Variants in TGM6 observed in about 807,000 individuals in gnomAD.
TGM6 encodes protein-glutamine gamma-glutamyltransferase 6.
Under a neutral mutation model 77.5 loss-of-function variants are expected in TGM6, and 74 were observed. The observed-to-expected ratio is 0.96, with a 90% CI of 0.79 to 1.16. TGM6 has a LOEUF of 1.16. Ranked by LOEUF, TGM6 falls within the 50% of genes most tolerant of loss-of-function variation. The probability of loss-of-function intolerance (pLI) is 0.00; values close to 1 mark genes in which losing one functional copy is unlikely to be tolerated. For synonymous variants in TGM6, 383 were observed against 378.9 expected (o/e 1.01, Z -0.12); for missense variants, 968 against 940.2 (o/e 1.03, Z -0.39).
chr20:2,427,076 AT>A (rs11482900), intron 10 of TGM6, among the ~76,000 whole-genome samples: 3 of 151,504 alleles, frequency 2.0e-5, no homozygotes, highest in Non-Finnish European at 4.4e-5. Context: ...AATTGCTATA[AT>A]TTTTTTTTCT....
chr20:2,395,263 G>C lies in TGM6; in HGVS notation c.251G>C (p.Gly84Ala). ...FQTSELERGE[G>A]WTAAREAQME... ...ACATCGGAGCTGGAGCGGGGTGAGG[G>C]CTGGACAGCAGCAAGGGAGGCTCAG... The change falls in exon 3 of 13, where the codon GGC becomes GCC. Residue 84 changes from glycine (G) to alanine (A), a missense_variant. By Grantham distance (60) the Gly-to-Ala change is moderately conservative. Coordinates refer to ENST00000202625, the MANE Select transcript of TGM6 (RefSeq NM_198994.3). 6.2e-7 allele frequency: 1 copy of C among 1,614,140 alleles called. No homozygotes were observed. Among genetic ancestry groups the C allele is most frequent in the Non-Finnish European group, 8.5e-7 (1 of 1,180,020 alleles).
At chr20:2,388,875 T>A (rs2084613317) in intron 1 of TGM6, among the ~76,000 whole-genome samples, 1 of 152,242 alleles carries the variant, frequency 6.6e-6, no homozygotes, top group East Asian at 1.9e-4. Flanking sequence ...GCATGACAAG[T>A]GTCCTTTGGT....
rs748778105 is a variant in TGM6, at chr20:2,396,635, G to A, written c.543+11G>A. The A allele has an allele frequency of 3.1e-6, 5 of 1,613,412 alleles. No individual in the cohort carries two copies. The highest frequency in any genetic ancestry group is 1.1e-5 in the South Asian group (1 of 91,066). ...TGGAACTACGGGCAGGTCTCCAGGG[G>A]CACAGGCCAGACAAGGATGTGGGCT... On this transcript the variant is annotated intron_variant, in intron 4 of 12. Transcript: ENST00000202625.
intron 9 of TGM6, among the ~76,000 whole-genome samples, chr20:2,406,206 TTCTGAGCTGCCACCTC>T (rs2084749240): frequency 6.6e-6 from 1 of 152,172 alleles, no homozygotes; most frequent in Non-Finnish European, 1.5e-5. Context: ...GTAAGGCCTC[TTCTGAGCTGCCACCTC>T]TCTGATAAGA....
At chr20:2,414,563 A>G (rs1259782850) in intron 9 of TGM6, among the ~76,000 whole-genome samples, 2 of 152,228 alleles carry the variant, frequency 1.3e-5, no homozygotes, top group African/African-American at 4.8e-5. Flanking sequence ...TCCCAGCTAC[A>G]TTTCCAAGAG....
chr20:2,414,256 G>A (rs1223908073), intron 9 of TGM6, among the ~76,000 whole-genome samples: 3 of 152,134 alleles, frequency 2.0e-5, no homozygotes, highest in African/African-American at 7.2e-5. Flanking sequence ...GGCAAAGGAT[G>A]TGAATGAACA....
intron 1 of TGM6, among the ~76,000 whole-genome samples, chr20:2,392,071 A>G (rs760756592): frequency 3.9e-5 from 6 of 152,194 alleles, no homozygotes; most frequent in Non-Finnish European, 8.8e-5. Flanking sequence ...GGGACTCCCA[A>G]TGCCTCTCCC....
intron 4 of TGM6, among the ~76,000 whole-genome samples, chr20:2,397,066 T>C (rs2084674227): frequency 6.6e-6 from 1 of 152,060 alleles, no homozygotes; most frequent in Non-Finnish European, 1.5e-5. Flanking sequence ...CTGGCTTAGA[T>C]AAGTAGTTCC....
At chr20:2,386,055 G>A (rs961619895) in intron 1 of TGM6, among the ~76,000 whole-genome samples, 2 of 152,144 alleles carry the variant, frequency 1.3e-5, no homozygotes, top group East Asian at 3.9e-4. Context: ...ATTTTGACAA[G>A]GGGCCTGGAA....
chr20:2,416,278 C>T (rs915785949), intron 9 of TGM6, among the ~76,000 whole-genome samples: 1 of 152,002 alleles, frequency 6.6e-6, no homozygotes, highest in African/African-American at 2.4e-5. Flanking sequence ...ATACAGAAAC[C>T]CCGACAGTGT....
rs537361932 is a variant in TGM6, at chr20:2,420,779, G to A, written c.1678+3206G>A. On this transcript the variant is annotated intron_variant, in intron 10 of 12. Transcript: ENST00000202625. ...TTTTCAGATTGGCTTCTTTCACTTA[G>A]CAATATGTATTTAAGGATCCCTTAC... Among the ~76,000 whole-genome samples, 147 of 152,192 alleles carry A rather than the reference G, an allele frequency of 9.7e-4. 1 individual carries two copies. The highest frequency in any genetic ancestry group is 3.4e-3 in the African/African-American group (140 of 41,534).
At chr20:2,415,100 C>T (rs2084807019) in intron 9 of TGM6, among the ~76,000 whole-genome samples, 2 of 152,080 alleles carry the variant, frequency 1.3e-5, no homozygotes, top group Admixed American at 6.6e-5. Context: ...TCAGAGAAGG[C>T]CTCCATGAGA....
chr20:2,387,479 T>A (rs1373666530), intron 1 of TGM6, among the ~76,000 whole-genome samples: 2 of 152,188 alleles, frequency 1.3e-5, no homozygotes, highest in Admixed American at 1.3e-4. Context: ...GACACATGTG[T>A]CAGCTATGTG....
chr20:2,394,456 C>G lies in TGM6; in HGVS notation c.12C>G (p.Ile4Met), dbSNP rs139796716. MAG[I>M]RVTKVDWQRS... ...CCCTGTCCTCTCCCCACCCAGGGAT[C>G]AGAGTCACCAAGGTGGACTGGCAGC... Residue 4 changes from isoleucine (I) to methionine (M), a missense_variant, in exon 2 of 13, where the codon ATC (isoleucine) becomes ATG (methionine). Ile to Met is a conservative substitution (Grantham distance 10). Coordinates refer to ENST00000202625, the MANE Select transcript of TGM6 (RefSeq NM_198994.3). 8.2e-4 allele frequency: 1,322 copies of G among 1,611,474 alleles called. 9 individuals carry two copies. The African/African-American group carries it at 0.015, about 19-fold the overall frequency.
chr20:2,399,420 G>T (rs566796919), intron 5 of TGM6, 141 bp from the exon 6 acceptor site: 1 of 1,050,982 alleles, frequency 9.5e-7, no homozygotes, highest in Non-Finnish European at 1.5e-6. Context: ...GGCAACAGAT[G>T]CCCCTAATTT....
chr20:2,384,900 G>A (rs1324917400), intron 1 of TGM6, among the ~76,000 whole-genome samples: 1 of 151,972 alleles, frequency 6.6e-6, no homozygotes, highest in Admixed American at 6.6e-5. Context: ...TTTAGCCTTG[G>A]GCTGGGAGCT....
At chr20:2,387,388 C>CCACATGGGGT (rs1049159821) in intron 1 of TGM6, among the ~76,000 whole-genome samples, 1 of 152,158 alleles carries the variant, frequency 6.6e-6, no homozygotes, top group Non-Finnish European at 1.5e-5. Flanking sequence ...CCAGCTCGTG[C>CCACATGGGGT]CACATGGGGT....
chr20:2,403,433 G>A lies in TGM6; in HGVS notation c.1026G>A (p.Arg342=). The A allele has an allele frequency of 6.2e-7, 1 of 1,614,148 alleles. No homozygotes were observed. Among genetic ancestry groups the A allele is most frequent in the Non-Finnish European group, 8.5e-7 (1 of 1,180,032 alleles). Residue 342 remains arginine (R), a synonymous_variant, in exon 8 of 13, where the codon CGG becomes CGA. Coordinates refer to ENST00000202625, the MANE Select transcript of TGM6 (RefSeq NM_198994.3). ...TCTGGAATGAGAGCTGGTTTGCCCG[G>A]CAGGACCTAGGCCCCTCTTACAATG... is the stretch of plus-strand genomic sequence containing the variant. ...FHVWNESWFA[R]QDLGPSYNGW...
intron 9 of TGM6, among the ~76,000 whole-genome samples, chr20:2,413,436 C>A (rs528325274): frequency 2.0e-4 from 30 of 152,022 alleles, no homozygotes; most frequent in Non-Finnish European, 2.2e-4. Context: ...ACAAAAATTA[C>A]AACAGATATA....
Sources: gnomAD v4.1 joint callset for allele counts (sites outside exome capture counted in the v4.1 genomes callset) on GRCh38, gnomAD v4.1.1 for gene constraint, MANE v1.5 for transcripts, NCBI Gene and HGNC (gene_info 2026-07-23, HGNC 2026-07-21) for gene names.